ELMO1: variants seen among roughly 807,000 people sequenced by gnomAD.
ELMO1 encodes the protein engulfment and cell motility 1.
ELMO1 carries 26 observed loss-of-function variants against 98.9 expected under a neutral mutation model. That is an observed-to-expected ratio of 0.26 (90% CI 0.19 to 0.36). The LOEUF is 0.36. ELMO1 is among the 10% of genes least tolerant of loss of function. The probability of loss-of-function intolerance (pLI) is 1.00; values close to 1 mark genes in which losing one functional copy is unlikely to be tolerated. For synonymous variants in ELMO1, 346 were observed against 346.0 expected, an observed-to-expected ratio of 1.00 and a Z score of 0.00; for missense variants, 627 against 935.2, an observed-to-expected ratio of 0.67 and a Z score of 4.30.
In ELMO1 at chr7:37,216,607, C is replaced by T. The variant is rs1236388579; in HGVS notation, c.831+38G>A. Reference sequence around the variant, plus strand: ...AGATTAACAAATGCACCAGGCCACTCCTCCCCCACAAAGAGGTCACAGCGC... The same window carrying T: ...AGATTAACAAATGCACCAGGCCACTTCTCCCCCACAAAGAGGTCACAGCGC... On this transcript the variant is annotated intron_variant, in intron 11 of 21. Transcript: ENST00000310758. The T allele has an allele frequency of 2.5e-6, 4 of 1,611,838 alleles. No individual in the cohort carries two copies. The African/African-American group carries it at 5.3e-5, about 22-fold the overall frequency.
intron 15 of ELMO1, among the ~76,000 whole-genome samples, chr7:37,021,699 C>T (rs1310808630): frequency 6.6e-6 from 1 of 151,458 alleles, no homozygotes; most frequent in Non-Finnish European, 1.5e-5. Flanking sequence ...AAAAGAAAAA[C>T]CAATGGTTTC....
At chr7:37,347,523 ATTC>A (rs1801064426) in intron 1 of ELMO1, among the ~76,000 whole-genome samples, 1 of 151,846 alleles carries the variant, frequency 6.6e-6, no homozygotes, top group Non-Finnish European at 1.5e-5. Context: ...TGGTATTCTT[ATTC>A]TTATTCTTAT....
At chr7:37,289,458 T>C (rs1394384819) in intron 4 of ELMO1, among the ~76,000 whole-genome samples, 1 of 152,220 alleles carries the variant, frequency 6.6e-6, no homozygotes, top group East Asian at 1.9e-4. Context: ...CCATCTGTCA[T>C]CAGCTGTTCA....
chr7:37,252,313 G>A (rs950688806), intron 6 of ELMO1, among the ~76,000 whole-genome samples: 6 of 152,106 alleles, frequency 3.9e-5, no homozygotes, highest in African/African-American at 9.7e-5. Context: ...GAGGCATCAC[G>A]CTACCTGACT....
intron 16 of ELMO1, among the ~76,000 whole-genome samples, chr7:36,899,780 A>G (rs563401434): frequency 2.1e-5 from 3 of 143,720 alleles, no homozygotes; most frequent in African/African-American, 5.1e-5. Context: ...CCTTTATGGT[A>G]CATACTGGAT....
At chr7:37,343,498 T>C (rs1800828414) in intron 1 of ELMO1, among the ~76,000 whole-genome samples, 1 of 145,634 alleles carries the variant, frequency 6.9e-6, no homozygotes, top group African/African-American at 2.5e-5. Context: ...TTTTTTTTTT[T>C]TTTTTTTTTT....
At chr7:37,069,086 T>C (rs1278835843) in intron 15 of ELMO1, among the ~76,000 whole-genome samples, 1 of 152,124 alleles carries the variant, frequency 6.6e-6, no homozygotes, top group African/African-American at 2.4e-5. Flanking sequence ...CCTCTAAGAT[T>C]GCAGCTGCTG....
At chr7:37,390,294 A>G (rs1457982866) in intron 1 of ELMO1, among the ~76,000 whole-genome samples, 5 of 152,236 alleles carry the variant, frequency 3.3e-5, no homozygotes, top group Non-Finnish European at 5.9e-5. Flanking sequence ...CGCCACTTGC[A>G]TGGAGTATGA....
intron 18 of ELMO1, among the ~76,000 whole-genome samples, chr7:36,887,236 G>A (rs2041801): frequency 0.46 from 69,261 of 152,034 alleles, 17,311 homozygotes; most frequent in Non-Finnish European, 0.56. Context: ...ACATAGATCC[G>A]GAAGTCAGAA....
At chr7:37,334,264 G>A (rs1800276534) in intron 2 of ELMO1, among the ~76,000 whole-genome samples, 1 of 152,110 alleles carries the variant, frequency 6.6e-6, no homozygotes, top group Admixed American at 6.5e-5. Context: ...TGGCCAACAT[G>A]ATGAAACCCT....
intron 16 of ELMO1, among the ~76,000 whole-genome samples, chr7:36,979,609 A>G (rs1333159629): frequency 6.6e-6 from 1 of 152,230 alleles, no homozygotes; most frequent in Non-Finnish European, 1.5e-5. Flanking sequence ...TACTAGAAAG[A>G]GTGCCCTGGA....
rs1793788612 is a variant in ELMO1, at chr7:37,225,039, C to T, written c.550-9G>A. 1 of 1,613,798 alleles carries T rather than the reference C, an allele frequency of 6.2e-7. No individual in the cohort carries two copies. The highest frequency in any genetic ancestry group is 8.5e-7 in the Non-Finnish European group (1 of 1,179,916). ...TTCACAAAACTTGCTATCTGAAAATCCAAGTGGGACACAATTGACTGCTCG... is the reference window on the plus strand; with the variant it reads ...TTCACAAAACTTGCTATCTGAAAATTCAAGTGGGACACAATTGACTGCTCG... On this transcript the variant is annotated splice_polypyrimidine_tract_variant and intron_variant, in intron 8 of 21. Coordinates refer to ENST00000310758, the MANE Select transcript of ELMO1 (RefSeq NM_014800.11).
chr7:37,437,359 G>T (rs1805193207), intron 1 of ELMO1, among the ~76,000 whole-genome samples: 1 of 152,136 alleles, frequency 6.6e-6, no homozygotes, highest in Non-Finnish European at 1.5e-5. Context: ...TGGAACTGGG[G>T]ATACACATTA....
chr7:36,968,575 A>ATT, intron 16 of ELMO1, among the ~76,000 whole-genome samples: 1 of 152,328 alleles, frequency 6.6e-6, no homozygotes, highest in South Asian at 2.1e-4. Flanking sequence ...ATAATATTTT[A>ATT]ATCAGCTCTA....
intron 13 of ELMO1, among the ~76,000 whole-genome samples, chr7:37,203,656 G>T (rs1255309072): frequency 6.6e-6 from 1 of 150,978 alleles, no homozygotes; most frequent in Non-Finnish European, 1.5e-5. Context: ...ACAGGGAGTG[G>T]TTTTTTAGAA....
At chr7:37,036,093 T>A (rs1209118483) in intron 15 of ELMO1, among the ~76,000 whole-genome samples, 1 of 152,212 alleles carries the variant, frequency 6.6e-6, no homozygotes, top group Non-Finnish European at 1.5e-5. Flanking sequence ...TAGAGTAGTA[T>A]CTACATATGT....
At chr7:37,165,584 A>G (rs1338367107) in intron 13 of ELMO1, among the ~76,000 whole-genome samples, 1 of 152,016 alleles carries the variant, frequency 6.6e-6, no homozygotes, top group African/African-American at 2.4e-5. Context: ...TTCTGCATCT[A>G]TTGAGATAAT....
chr7:37,012,190 G>T (rs1188387250), intron 16 of ELMO1, among the ~76,000 whole-genome samples: 1 of 152,234 alleles, frequency 6.6e-6, no homozygotes. Flanking sequence ...GTTAGGACCT[G>T]ACTGAAGCTT....
intron 4 of ELMO1, among the ~76,000 whole-genome samples, chr7:37,279,993 T>C (rs944896641): frequency 2.0e-5 from 3 of 152,192 alleles, no homozygotes; most frequent in Non-Finnish European, 2.9e-5. Context: ...GGTAGTGGTA[T>C]AAAAACAGGC....
Sources: gnomAD v4.1 joint callset for allele counts (sites outside exome capture counted in the v4.1 genomes callset) on GRCh38, gnomAD v4.1.1 for gene constraint, MANE v1.5 for transcripts, NCBI Gene and HGNC (gene_info 2026-07-23, HGNC 2026-07-21) for gene names.